The following PDSS2 variants were observed in gnomAD, a reference collection of about 807,000 sequenced individuals.
PDSS2 encodes all trans-polyprenyl-diphosphate synthase PDSS2.
A neutral mutation model predicts 44.5 loss-of-function variants in PDSS2; 31 were observed. The observed-to-expected ratio is 0.70, with a 90% CI of 0.52 to 0.94. PDSS2 has a LOEUF of 0.94. Among genes scored for constraint, PDSS2 ranks in the 40% least tolerant of loss-of-function variants. PDSS2 has a pLI of 0.00. For synonymous variants in PDSS2, 157 were observed against 180.3 expected (o/e 0.87, Z 1.03); for missense variants, 452 against 482.2 (o/e 0.94, Z 0.59).
At chr6:107,364,687 C>T (rs1174824573) in intron 1 of PDSS2, among the ~76,000 whole-genome samples, 1 of 152,214 alleles carries the variant, frequency 6.6e-6, no homozygotes, top group Non-Finnish European at 1.5e-5. Context: ...CAGAAAGGGG[C>T]TCCCACAGTG....
intron 6 of PDSS2, among the ~76,000 whole-genome samples, chr6:107,201,413 A>AAAAAAAC (rs1375346018): frequency 1.4e-5 from 2 of 144,008 alleles, no homozygotes; most frequent in Non-Finnish European, 3.1e-5. Flanking sequence ...AAAAAAAAAA[A>AAAAAAAC]AGCCAGCACT....
chr6:107,443,377 TC>T (rs751337557), intron 1 of PDSS2, among the ~76,000 whole-genome samples: 8 of 152,202 alleles, frequency 5.3e-5, no homozygotes, highest in Non-Finnish European at 1.2e-4. Context: ...CCACAACCTT[TC>T]CTTTGCTTTT....
chr6:107,402,427 A>AAT (rs1324831449), intron 1 of PDSS2, among the ~76,000 whole-genome samples: 25 of 9,532 alleles, frequency 2.6e-3, no homozygotes, highest in East Asian at 0.01. Context: ...GAGACTGGGT[A>AAT]ATATATATAT....
At chr6:107,160,514 A>C (rs1771086433) in intron 7 of PDSS2, among the ~76,000 whole-genome samples, 1 of 131,206 alleles carries the variant, frequency 7.6e-6, no homozygotes, top group African/African-American at 2.7e-5. Context: ...CACCCAGCTA[A>C]TTTAAATTTT....
chr6:107,339,824 A>C (rs1216476036), intron 1 of PDSS2, among the ~76,000 whole-genome samples: 1 of 152,212 alleles, frequency 6.6e-6, no homozygotes, highest in East Asian at 1.9e-4. Flanking sequence ...TACACCACCC[A>C]GGATGAACAG....
At chr6:107,359,115 A>T (rs1451326859) in intron 1 of PDSS2, among the ~76,000 whole-genome samples, 2 of 142,828 alleles carry the variant, frequency 1.4e-5, no homozygotes, top group Non-Finnish European at 3.0e-5. Context: ...GGTTCAAGTG[A>T]TTCTCCTGCC....
intron 4 of PDSS2, among the ~76,000 whole-genome samples, chr6:107,221,186 C>T (rs1305406109): frequency 6.6e-6 from 1 of 151,842 alleles, no homozygotes; most frequent in African/African-American, 2.4e-5. Flanking sequence ...ACCAAAAATG[C>T]AAAAAATTAG....
chr6:107,400,782 G>C (rs1048773172), intron 1 of PDSS2, among the ~76,000 whole-genome samples: 3 of 152,168 alleles, frequency 2.0e-5, no homozygotes, highest in Non-Finnish European at 4.4e-5. Context: ...GCTGGTGTTT[G>C]CACCTGCCAT....
At chr6:107,299,108 C>T (rs1198381909) in intron 2 of PDSS2, among the ~76,000 whole-genome samples, 5 of 124,230 alleles carry the variant, frequency 4.0e-5, no homozygotes, top group Admixed American at 2.1e-4. Flanking sequence ...GATCGTATCA[C>T]TACACTCCAG....
intron 2 of PDSS2, among the ~76,000 whole-genome samples, chr6:107,296,761 AT>A (rs1165855471): frequency 6.6e-6 from 1 of 152,150 alleles, no homozygotes; most frequent in Non-Finnish European, 1.5e-5. Flanking sequence ...AAATAAAAAA[AT>A]AAAACACTGA....
At chr6:107,382,276 A>AACCACC (rs1256450723) in intron 1 of PDSS2, among the ~76,000 whole-genome samples, 2 of 152,084 alleles carry the variant, frequency 1.3e-5, no homozygotes, top group Admixed American at 1.3e-4. Flanking sequence ...TTTGGCCGTG[A>AACCACC]ACCACCACCA....
chr6:107,357,911 A>G (rs1778641241), intron 1 of PDSS2, among the ~76,000 whole-genome samples: 1 of 152,230 alleles, frequency 6.6e-6, no homozygotes, highest in Admixed American at 6.5e-5. Context: ...AATGAGGCTA[A>G]GTAATTTAGC....
At chr6:107,266,863 T>C (rs1050544980) in intron 3 of PDSS2, among the ~76,000 whole-genome samples, 1 of 152,220 alleles carries the variant, frequency 6.6e-6, no homozygotes, top group Non-Finnish European at 1.5e-5. Flanking sequence ...GCTGTGAATC[T>C]GATTTGATTT....
intron 4 of PDSS2, among the ~76,000 whole-genome samples, chr6:107,233,385 C>T (rs1774116829): frequency 6.6e-6 from 1 of 152,032 alleles, no homozygotes; most frequent in African/African-American, 2.4e-5. Flanking sequence ...TTTGAATGTT[C>T]CAGGAGTACT....
chr6:107,264,606 A>C (rs1168972999), intron 3 of PDSS2: 1 of 758,796 alleles, frequency 1.3e-6, no homozygotes, highest in East Asian at 2.7e-5. Context: ...CAAAAACAAG[A>C]TGACAGGTAG....
chr6:107,333,919 C>CAT (rs1436722532), intron 2 of PDSS2, among the ~76,000 whole-genome samples: 1 of 152,042 alleles, frequency 6.6e-6, no homozygotes, highest in Non-Finnish European at 1.5e-5. Context: ...CACAACAATA[C>CAT]ATAATAAGGG....
intron 4 of PDSS2, among the ~76,000 whole-genome samples, chr6:107,235,666 C>T (rs1774198090): frequency 1.3e-5 from 2 of 151,814 alleles, no homozygotes; most frequent in Middle Eastern, 3.4e-3. Context: ...CCAAAAATAA[C>T]CAAGTTGCAA....
intron 1 of PDSS2, among the ~76,000 whole-genome samples, chr6:107,456,500 C>T (rs1782048761): frequency 6.6e-6 from 1 of 152,102 alleles, no homozygotes; most frequent in Non-Finnish European, 1.5e-5. Flanking sequence ...TTGTACATTG[C>T]AAAGAAACCA....
intron 6 of PDSS2, among the ~76,000 whole-genome samples, chr6:107,207,327 A>G (rs932461099): frequency 2.6e-5 from 4 of 152,086 alleles, no homozygotes; most frequent in Admixed American, 1.3e-4. Flanking sequence ...CTTGCAATCA[A>G]ATTCAAAACT....
Sources: gnomAD v4.1 joint callset for allele counts (sites outside exome capture counted in the v4.1 genomes callset) on GRCh38, gnomAD v4.1.1 for gene constraint, MANE v1.5 for transcripts, NCBI Gene and HGNC (gene_info 2026-07-23, HGNC 2026-07-21) for gene names.